The following EPB41L5 variants were observed in gnomAD, a reference collection of about 807,000 sequenced individuals.
EPB41L5 encodes band 4.1-like protein 5.
EPB41L5 carries 55 observed loss-of-function variants against 106.6 expected under a neutral mutation model. The ratio of observed to expected loss-of-function variants is 0.52; its 90% CI spans 0.42 to 0.65. The LOEUF is 0.65. EPB41L5 is among the 30% of genes least tolerant of loss of function. EPB41L5 has a pLI of 0.00. For missense variants in EPB41L5, 871 were observed against 882.1 expected, an observed-to-expected ratio of 0.99 and a Z score of 0.16; for synonymous variants, 297 against 306.7, an observed-to-expected ratio of 0.97 and a Z score of 0.33.
At chr2:120,062,751 T>A (rs1681170088) in intron 3 of EPB41L5, among the ~76,000 whole-genome samples, 1 of 152,244 alleles carries the variant, frequency 6.6e-6, no homozygotes, top group African/African-American at 2.4e-5. Context: ...AATAGTTTTT[T>A]AATTTGATCC....
chr2:120,078,129 T>A (rs1682385648), intron 9 of EPB41L5, among the ~76,000 whole-genome samples: 1 of 152,126 alleles, frequency 6.6e-6, no homozygotes, highest in African/African-American at 2.4e-5. Context: ...GACACAAGAT[T>A]TGGGTGTAGA....
chr2:120,020,777 T>C (rs1404880634), intron 2 of EPB41L5, among the ~76,000 whole-genome samples: 4 of 151,908 alleles, frequency 2.6e-5, no homozygotes, highest in African/African-American at 9.7e-5. Context: ...GTTTCAGGGT[T>C]GTTGATGGAC....
intron 10 of EPB41L5, among the ~76,000 whole-genome samples, chr2:120,081,204 A>G (rs1682633997): frequency 1.3e-5 from 2 of 152,068 alleles, no homozygotes; most frequent in African/African-American, 2.4e-5. Flanking sequence ...CCTGAATGGT[A>G]TTGCCTAGGT....
intron 2 of EPB41L5, 144 bp downstream of exon 2, chr2:120,019,408 G>T: frequency 1.5e-6 from 1 of 670,286 alleles, no homozygotes; most frequent in Non-Finnish European, 2.4e-6. Context: ...TAACATTCAG[G>T]TACATGGATC....
chr2:120,017,116 T>G (rs936850550), intron 1 of EPB41L5, among the ~76,000 whole-genome samples: 1 of 152,264 alleles, frequency 6.6e-6, no homozygotes, highest in Non-Finnish European at 1.5e-5. Flanking sequence ...TCATTTTATC[T>G]GAAGGCTTCT....
chr2:120,036,846 T>C (rs1174664512), intron 2 of EPB41L5, among the ~76,000 whole-genome samples: 1 of 152,096 alleles, frequency 6.6e-6, no homozygotes, highest in Admixed American at 6.5e-5. Context: ...AGAAAGGATA[T>C]AATATGAAGC....
In EPB41L5 at chr2:120,090,481, A is replaced by G; in HGVS notation, c.1008A>G (p.Ser336=). Residue 336 remains serine, a synonymous_variant, in exon 12 of 25, where the codon TCA becomes TCG. Coordinates refer to ENST00000263713, the MANE Select transcript of EPB41L5 (RefSeq NM_020909.4). The stretch of plus-strand genomic sequence containing the variant: ...CCGTCCAAAAGAGTTCTCATCGATC[A>G]GGATTTATTCGACTAGGATCACGAT... ...RGPVQKSSHR[S]GFIRLGSRFR... is the part of the protein sequence containing the mutation. 3 of 1,613,552 alleles carry G rather than the reference A, an allele frequency of 1.9e-6. No individual in the cohort carries two copies. The highest frequency in any genetic ancestry group is 2.5e-6 in the Non-Finnish European group (3 of 1,179,750).
intron 20 of EPB41L5, among the ~76,000 whole-genome samples, chr2:120,158,269 C>T (rs561495868): frequency 6.6e-6 from 1 of 152,304 alleles, no homozygotes; most frequent in Non-Finnish European, 1.5e-5. Context: ...CATCCTGATA[C>T]GAACACCTGG....
In EPB41L5 at chr2:120,041,926, T is replaced by G. The variant is rs1464352979; in HGVS notation, c.181-80T>G. Reference sequence around the variant, plus strand: ...GTCCTCCTTTCTTCAAGAGATCTTGTATAACTAAAACCTTCTTTTGTTCAG... The same window carrying G: ...GTCCTCCTTTCTTCAAGAGATCTTGGATAACTAAAACCTTCTTTTGTTCAG... On this transcript the variant is annotated intron_variant, in intron 2 of 24. Coordinates refer to ENST00000263713, the MANE Select transcript of EPB41L5 (RefSeq NM_020909.4). The G allele has an allele frequency of 6.9e-6, 7 of 1,014,822 alleles. No individual in the cohort carries two copies. The Admixed American group carries it at 1.5e-4, about 22-fold the overall frequency. The allele number at this position is 1,014,822 out of a possible 1,614,324, so 62.9% of individuals were successfully genotyped here. A position where few individuals can be genotyped will look rare whatever the true frequency, so the allele number is the denominator to read the frequency against.
intron 3 of EPB41L5, among the ~76,000 whole-genome samples, chr2:120,048,471 T>G (rs1249664589): frequency 1.3e-5 from 2 of 152,200 alleles, no homozygotes; most frequent in African/African-American, 4.8e-5. Context: ...TATTCTCTGA[T>G]GGTAGTTTGT....
chr2:120,140,701 T>C (rs766009673), intron 18 of EPB41L5, among the ~76,000 whole-genome samples: 1 of 152,018 alleles, frequency 6.6e-6, no homozygotes, highest in Non-Finnish European at 1.5e-5. Context: ...AATGCATATA[T>C]CCCAAAATCT....
chr2:120,148,154 CT>C (rs34118293), intron 20 of EPB41L5, among the ~76,000 whole-genome samples: 6 of 151,638 alleles, frequency 4.0e-5, no homozygotes, highest in African/African-American at 1.5e-4. Context: ...ATTTTTCTTT[CT>C]TTTTTTTACT....
rs1294090717 is a variant in EPB41L5 at position 120,176,190 on chromosome 2, C to G, written c.*1283C>G. The G allele has an allele frequency of 1.3e-5, 2 of 152,554 alleles. No individual in the cohort carries two copies. The highest frequency in any genetic ancestry group is 1.9e-4 in the East Asian group (1 of 5,194). 9.5% of individuals were successfully genotyped at this position (152,554 alleles called of 1,614,324 possible). A position where few individuals can be genotyped will look rare whatever the true frequency, so the allele number is the denominator to read the frequency against. The stretch of plus-strand genomic sequence containing the variant: ...TAATTTTCGAATGAACAAGGTAAAC[C>G]TCGGTTGCCATGGGGAAGAAGGATG... On this transcript the variant is annotated 3_prime_UTR_variant, in exon 25 of 25. Transcript: ENST00000263713.
At chr2:120,136,735 AC>A (rs1013061751) in intron 18 of EPB41L5, among the ~76,000 whole-genome samples, 5 of 152,062 alleles carry the variant, frequency 3.3e-5, no homozygotes, top group African/African-American at 1.2e-4. Context: ...AAACTGGAGT[AC>A]CCAGATATGT....
At chr2:120,114,087 C>A (rs917367135) in intron 16 of EPB41L5, among the ~76,000 whole-genome samples, 4 of 152,106 alleles carry the variant, frequency 2.6e-5, no homozygotes, top group Admixed American at 6.5e-5. Context: ...TTCAGAGTGG[C>A]CACACCATGT....
At chr2:120,106,216 C>T (rs1351196487) in intron 16 of EPB41L5, 33 of 985,122 alleles carry the variant, frequency 3.3e-5, no homozygotes, top group Non-Finnish European at 3.9e-5. Context: ...ATGAGAGAAA[C>T]TGGATTGGAG....
chr2:120,041,246 G>A lies in EPB41L5; in HGVS notation c.181-760G>A, dbSNP rs952003581. Among the ~76,000 whole-genome samples, 13 of 152,104 alleles carry A rather than the reference G, an allele frequency of 8.5e-5. 1 individual carries two copies. Among genetic ancestry groups the A allele is most frequent in the Non-Finnish European group, 5.9e-5 (4 of 67,988 alleles). On this transcript the variant is annotated intron_variant, in intron 2 of 24. Transcript: ENST00000263713. ...TGTTTAATGTCTGGTTTAATAGAAG[G>A]TACTTGGATTCTCTTATCTGCTTCC...
intron 17 of EPB41L5, among the ~76,000 whole-genome samples, chr2:120,128,256 A>AC (rs1685544682): frequency 1.4e-5 from 2 of 145,348 alleles, no homozygotes; most frequent in Non-Finnish European, 3.0e-5. Context: ...GGTGCTTTAA[A>AC]ACACACACAC....
rs546257775 is a variant in EPB41L5, at chr2:120,023,240, T to A, written c.180+3976T>A. Among the ~76,000 whole-genome samples the A allele has an allele frequency of 2.0e-5, 3 of 152,302 alleles. No homozygotes were observed. In the East Asian group the frequency reaches 5.8e-4, roughly 29 times the overall value. ...GTGGCCATTGCTTTTGGTGATATAGTCATGAAGTCTTTGCCCATGCCTATG... is the reference window on the plus strand; with the variant it reads ...GTGGCCATTGCTTTTGGTGATATAGACATGAAGTCTTTGCCCATGCCTATG... On this transcript the variant is annotated intron_variant, in intron 2 of 24. Transcript: ENST00000263713.
Sources: allele counts gnomAD v4.1 joint callset (sites outside exome capture counted in the v4.1 genomes callset), GRCh38; gene constraint gnomAD v4.1.1; transcripts MANE v1.5; gene names NCBI Gene and HGNC (gene_info 2026-07-23, HGNC 2026-07-21).